Variants in CCSER1 observed in about 807,000 individuals in gnomAD.
CCSER1 encodes coiled-coil serine rich protein 1, also known as serine-rich coiled-coil domain-containing protein 1.
In CCSER1, 41 loss-of-function variants were observed where a neutral mutation model predicts 82.0. The ratio of observed to expected loss-of-function variants is 0.50; its 90% CI spans 0.39 to 0.65. The LOEUF (loss-of-function observed/expected upper bound fraction) is 0.65, where lower values mean the gene tolerates loss of function less well. Among genes scored for constraint, CCSER1 ranks in the 30% least tolerant of loss-of-function variants. The pLI, the probability that CCSER1 is intolerant of heterozygous loss-of-function variation, is 0.00. For synonymous variants in CCSER1, 414 were observed against 383.9 expected, an observed-to-expected ratio of 1.08 and a Z score of -0.92; for missense variants, 1,119 against 1,064.2, an observed-to-expected ratio of 1.05 and a Z score of -0.72.
intron 10 of CCSER1, among the ~76,000 whole-genome samples, chr4:91,427,301 C>T (rs527635689): frequency 1.3e-5 from 2 of 152,194 alleles, no homozygotes; most frequent in East Asian, 1.9e-4. Context: ...CTGTCTTATC[C>T]TGGAAAGTAT....
intron 1 of CCSER1, among the ~76,000 whole-genome samples, chr4:90,287,376 G>A (rs1730095308): frequency 6.6e-6 from 1 of 151,850 alleles, no homozygotes; most frequent in African/African-American, 2.4e-5. Flanking sequence ...GAAACCTTAA[G>A]TAATTTGTGG....
chr4:91,270,774 G>T (rs1741964636), intron 10 of CCSER1, among the ~76,000 whole-genome samples: 1 of 151,986 alleles, frequency 6.6e-6, no homozygotes, highest in Non-Finnish European at 1.5e-5. Context: ...TCCTATTTGT[G>T]GTAATGGAAG....
intron 10 of CCSER1, among the ~76,000 whole-genome samples, chr4:91,525,966 A>G (rs1760744518): frequency 6.6e-6 from 1 of 152,222 alleles, no homozygotes; most frequent in Non-Finnish European, 1.5e-5. Context: ...CATAACAAAT[A>G]AATAAATCAA....
intron 1 of CCSER1, among the ~76,000 whole-genome samples, chr4:90,163,556 A>T (rs1404962935): frequency 6.6e-6 from 1 of 152,152 alleles, no homozygotes; most frequent in African/African-American, 2.4e-5. Flanking sequence ...ATTCACACTG[A>T]TTCACTATTT....
intron 9 of CCSER1, among the ~76,000 whole-genome samples, chr4:90,968,527 A>G (rs1390961252): frequency 6.6e-6 from 1 of 152,082 alleles, no homozygotes; most frequent in Non-Finnish European, 1.5e-5. Context: ...GAAAATAAAC[A>G]GGGGACTCTC....
intron 7 of CCSER1, among the ~76,000 whole-genome samples, chr4:90,777,741 CG>C (rs1412007541): frequency 6.6e-6 from 1 of 151,866 alleles, no homozygotes. Flanking sequence ...GAATTTTCAG[CG>C]TATTGTACAT....
At chr4:90,962,808 AGT>A (rs932933985) in intron 9 of CCSER1, among the ~76,000 whole-genome samples, 31 of 152,132 alleles carry the variant, frequency 2.0e-4, no homozygotes, top group African/African-American at 7.0e-4. Context: ...CTGTAGCCAG[AGT>A]GTGCATGTTT....
At chr4:90,606,557 A>G (rs561248794) in intron 5 of CCSER1, among the ~76,000 whole-genome samples, 1 of 152,322 alleles carries the variant, frequency 6.6e-6, no homozygotes, top group Non-Finnish European at 1.5e-5. Flanking sequence ...TATAGAGTTC[A>G]TATGTCACTT....
chr4:91,067,114 A>G (rs1042771441), intron 9 of CCSER1, among the ~76,000 whole-genome samples: 3 of 151,624 alleles, frequency 2.0e-5, no homozygotes, highest in African/African-American at 7.3e-5. Flanking sequence ...CAGTGAGCAG[A>G]GATCGCGCCA....
At chr4:91,152,539 G>A (rs942493064) in intron 10 of CCSER1, among the ~76,000 whole-genome samples, 8 of 152,240 alleles carry the variant, frequency 5.3e-5, no homozygotes, top group Admixed American at 5.2e-4. Flanking sequence ...ATATTGTTAT[G>A]TGTGAATTTG....
At chr4:91,407,133 A>G (rs1333970216) in intron 10 of CCSER1, among the ~76,000 whole-genome samples, 1 of 152,178 alleles carries the variant, frequency 6.6e-6, no homozygotes, top group East Asian at 1.9e-4. Flanking sequence ...TTGCTGCTCC[A>G]ATTTCATGCT....
intron 9 of CCSER1, among the ~76,000 whole-genome samples, chr4:91,054,829 G>A (rs559630276): frequency 6.6e-6 from 1 of 152,192 alleles, no homozygotes; most frequent in South Asian, 2.1e-4. Flanking sequence ...CCTTTGAACA[G>A]CATGTTGGTG....
intron 5 of CCSER1, among the ~76,000 whole-genome samples, chr4:90,584,615 T>A (rs1417637743): frequency 6.6e-6 from 1 of 152,220 alleles, no homozygotes; most frequent in Non-Finnish European, 1.5e-5. Flanking sequence ...CTTGTGATAA[T>A]TTGTTTTGCA....
chr4:91,094,237 G>A (rs1241899103), intron 10 of CCSER1, among the ~76,000 whole-genome samples: 1 of 152,138 alleles, frequency 6.6e-6, no homozygotes, highest in Admixed American at 6.5e-5. Flanking sequence ...CGAAGATGGT[G>A]GGGTAATTTT....
chr4:90,462,738 C>A (rs1041538499), intron 4 of CCSER1, among the ~76,000 whole-genome samples: 3 of 152,074 alleles, frequency 2.0e-5, no homozygotes, highest in African/African-American at 4.8e-5. Flanking sequence ...TAATAAAACA[C>A]CATCTCATAA....
Position 91,477,115 on chromosome 4 carries a change from A to G in CCSER1, c.2218-121457A>G, listed in dbSNP as rs566011761. 3.9e-5 allele frequency among the ~76,000 whole-genome samples: 6 copies of G among 151,934 alleles called. No individual in the cohort carries two copies. In the South Asian group the frequency reaches 1.0e-3, roughly 26 times the overall value. Reference sequence around the variant, plus strand: ...TTCTTCACAGAAAAGGATACAATCAACAAAGTGAAGAGACAACCCACAGAA... The same window carrying G: ...TTCTTCACAGAAAAGGATACAATCAGCAAAGTGAAGAGACAACCCACAGAA... On this transcript the variant is annotated intron_variant, in intron 10 of 10. Coordinates refer to ENST00000509176, the MANE Select transcript of CCSER1 (RefSeq NM_001145065.2).
At chr4:91,036,919 A>C (rs1260489274) in intron 9 of CCSER1, among the ~76,000 whole-genome samples, 2 of 151,928 alleles carry the variant, frequency 1.3e-5, no homozygotes, top group African/African-American at 4.8e-5. Flanking sequence ...GTCTACTAAA[A>C]ATACAAAAAT....
At chr4:91,142,207 G>A (rs1729108110) in intron 10 of CCSER1, among the ~76,000 whole-genome samples, 1 of 152,096 alleles carries the variant, frequency 6.6e-6, no homozygotes, top group Admixed American at 6.6e-5. Context: ...TAGTGAATAA[G>A]TGTCACAAGA....
intron 5 of CCSER1, among the ~76,000 whole-genome samples, chr4:90,574,087 CTT>C (rs1342089815): frequency 1.3e-5 from 2 of 151,122 alleles, no homozygotes; most frequent in Non-Finnish European, 2.9e-5. Flanking sequence ...TGGTTTCTCT[CTT>C]TGCCTCAGCA....
Sources: allele counts gnomAD v4.1 joint callset (sites outside exome capture counted in the v4.1 genomes callset), GRCh38; gene constraint gnomAD v4.1.1; transcripts MANE v1.5; gene names NCBI Gene and HGNC (gene_info 2026-07-23, HGNC 2026-07-21).